Variants in PRKCA observed in about 807,000 individuals in gnomAD.
The protein encoded by PRKCA is protein kinase C alpha.
PRKCA carries 27 observed loss-of-function variants against 87.0 expected under a neutral mutation model. The observed-to-expected ratio is 0.31, with a 90% CI of 0.23 to 0.43. PRKCA has a LOEUF of 0.43. PRKCA is among the 20% of genes least tolerant of loss of function. The probability of loss-of-function intolerance (pLI) is 1.00; values close to 1 mark genes in which losing one functional copy is unlikely to be tolerated. For missense variants in PRKCA, 518 were observed against 852.3 expected (o/e 0.61, Z 4.88); for synonymous variants, 329 against 311.1 (o/e 1.06, Z -0.61).
chr17:66,394,109 A>G (rs1290571412), intron 2 of PRKCA, among the ~76,000 whole-genome samples: 1 of 152,158 alleles, frequency 6.6e-6, no homozygotes, highest in African/African-American at 2.4e-5. Flanking sequence ...AATAAGGGGC[A>G]AGAGGTTCTG....
intron 2 of PRKCA, among the ~76,000 whole-genome samples, chr17:66,466,818 G>A: frequency 6.6e-6 from 1 of 151,926 alleles, no homozygotes; most frequent in East Asian, 1.9e-4. Context: ...CCTTCACGCT[G>A]GGGTCAAAGA....
At chr17:66,461,924 AC>A (rs1914872870) in intron 2 of PRKCA, among the ~76,000 whole-genome samples, 2 of 151,882 alleles carry the variant, frequency 1.3e-5, no homozygotes, top group African/African-American at 4.8e-5. Context: ...GTTCCTAACT[AC>A]CGAGGAGGAG....
intron 3 of PRKCA, among the ~76,000 whole-genome samples, chr17:66,555,205 G>T (rs372327401): frequency 2.6e-5 from 4 of 152,186 alleles, no homozygotes; most frequent in Non-Finnish European, 4.4e-5. Flanking sequence ...TTGAAGGCAG[G>T]TATCGTATCT....
intron 2 of PRKCA, among the ~76,000 whole-genome samples, chr17:66,419,256 CA>C (rs766871742): frequency 6.6e-6 from 1 of 152,240 alleles, no homozygotes; most frequent in Admixed American, 6.5e-5. Context: ...TGAGTAGAGA[CA>C]TTTTTTAGGT....
At chr17:66,328,061 G>T (rs1906091988) in intron 2 of PRKCA, among the ~76,000 whole-genome samples, 1 of 152,190 alleles carries the variant, frequency 6.6e-6, no homozygotes, top group Non-Finnish European at 1.5e-5. Context: ...CGTCTCTCCT[G>T]AGAAGATAAC....
chr17:66,804,052 A>G lies in PRKCA; in HGVS notation c.*15A>G. 3 of 1,593,528 alleles carry G rather than the reference A, an allele frequency of 1.9e-6. No individual in the cohort carries two copies. Among genetic ancestry groups the G allele is most frequent in the Non-Finnish European group, 2.6e-6 (3 of 1,163,270 alleles). ...GTGCAGTATGAAACTCACCAGCGAG[A>G]ACAAACACCTCCCCAGCCCCCAGCC... On this transcript the variant is annotated 3_prime_UTR_variant, in exon 17 of 17. Transcript: ENST00000413366.
chr17:66,762,790 T>TTTTA (rs1974714530), intron 13 of PRKCA, among the ~76,000 whole-genome samples: 1 of 152,084 alleles, frequency 6.6e-6, no homozygotes. Flanking sequence ...AAAACACCTT[T>TTTTA]TTTATTTTAT....
intron 8 of PRKCA, among the ~76,000 whole-genome samples, chr17:66,723,861 A>G (rs1973676949): frequency 6.6e-6 from 1 of 152,168 alleles, no homozygotes; most frequent in Non-Finnish European, 1.5e-5. Flanking sequence ...AAAATGGGTA[A>G]GATTAAGATT....
intron 3 of PRKCA, among the ~76,000 whole-genome samples, chr17:66,630,520 G>A (rs1043613948): frequency 2.0e-5 from 3 of 152,198 alleles, no homozygotes; most frequent in Admixed American, 6.5e-5. Flanking sequence ...ACAGACTGTC[G>A]TTCAGTTTCA....
intron 1 of PRKCA, among the ~76,000 whole-genome samples, chr17:66,303,728 C>A (rs1013222744): frequency 6.6e-6 from 1 of 152,098 alleles, no homozygotes; most frequent in Non-Finnish European, 1.5e-5. Flanking sequence ...GTCGGCCAGG[C>A]GCGGTGGCTC....
At chr17:66,443,044 A>G (rs1419255375) in intron 2 of PRKCA, among the ~76,000 whole-genome samples, 3 of 152,182 alleles carry the variant, frequency 2.0e-5, no homozygotes, top group East Asian at 1.9e-4. Context: ...TACACACATC[A>G]TATCTCATTT....
At chr17:66,789,011 C>T (rs1443695359) in intron 16 of PRKCA, 32 bp downstream of exon 16, 6 of 1,612,992 alleles carry the variant, frequency 3.7e-6, no homozygotes, top group Non-Finnish European at 5.1e-6. Context: ...GTTTTCGGAA[C>T]CCCATGTCCC....
chr17:66,696,584 A>G (rs1263709089), intron 8 of PRKCA: 1 of 152,166 alleles, frequency 6.6e-6, no homozygotes, highest in Non-Finnish European at 1.5e-5. Flanking sequence ...TTTGGTTTTG[A>G]TTTATATTTA....
rs1976056516 is a variant in PRKCA at position 66,807,433 on chromosome 17, G to T, written c.*3396G>T. On this transcript the variant is annotated 3_prime_UTR_variant, in exon 17 of 17. Transcript: ENST00000413366. The surrounding 1 kb of genome is among the most constrained non-coding windows in gnomAD (Gnocchi z 4.3). ...CTGGGTTTGAAAGGAAGTCACTGGA[G>T]TGCTGCCAGGGGCCGCCCTCCAAGG... 1 of 152,274 alleles carries T rather than the reference G, an allele frequency of 6.6e-6. No individual in the cohort carries two copies. Among genetic ancestry groups the T allele is most frequent in the African/African-American group, 2.4e-5 (1 of 41,472 alleles). The allele number at this position is 152,274 out of a possible 1,614,324, so 9.4% of individuals were successfully genotyped here.
intron 16 of PRKCA, among the ~76,000 whole-genome samples, chr17:66,791,703 G>A (rs909117660): frequency 1.3e-5 from 2 of 152,216 alleles, no homozygotes; most frequent in African/African-American, 4.8e-5. Flanking sequence ...GTGGTGACAC[G>A]CTGGGGCAGA....
intron 3 of PRKCA, among the ~76,000 whole-genome samples, chr17:66,538,895 C>T (rs9895850): frequency 0.075 from 11,347 of 152,246 alleles, 525 homozygotes; most frequent in Admixed American, 0.12. Context: ...ACAGCATCGC[C>T]ATTTCTGCTG....
intron 2 of PRKCA, among the ~76,000 whole-genome samples, chr17:66,355,379 G>A (rs1427705950): frequency 1.3e-5 from 2 of 152,154 alleles, no homozygotes; most frequent in Non-Finnish European, 2.9e-5. Context: ...GCTTTTCAGA[G>A]TTAAGTTTTG....
chr17:66,653,547 C>T lies in PRKCA; in HGVS notation c.529+8036C>T, dbSNP rs151101739. On this transcript the variant is annotated intron_variant, in intron 5 of 16. Transcript: ENST00000413366. The stretch of plus-strand genomic sequence containing the variant: ...TCGAGGTAACAGGGATCTATGATGG[C>T]GCCACTGCATGCCAGCCTAGGTGAC... Among the ~76,000 whole-genome samples the T allele has an allele frequency of 2.2e-3, 333 of 152,250 alleles. 1 individual carries two copies. Among genetic ancestry groups the T allele is most frequent in the Non-Finnish European group, 2.8e-3 (189 of 68,020 alleles).
rs113526885 is a variant in PRKCA at position 66,418,440 on chromosome 17, CT to C, written c.206-77747del. 9.1e-3 allele frequency among the ~76,000 whole-genome samples: 1,288 copies of C among 142,052 alleles called. 12 individuals are homozygous for C. The highest frequency in any genetic ancestry group is 0.022 in the Middle Eastern group (6 of 270). 93.2% of individuals were successfully genotyped at this position (142,052 alleles called of 152,430 possible). On this transcript the variant is annotated intron_variant, in intron 2 of 16. Transcript: ENST00000413366. ...ATATCCATTTGTCATTTGTTTTAGC[CT>C]TTTTTTTTTTTTTGAGATGGAGTCT...
Sources: gnomAD v4.1 joint callset for allele counts (sites outside exome capture counted in the v4.1 genomes callset) on GRCh38, gnomAD v4.1.1 for gene constraint, Gnocchi (gnomAD v3.1) non-coding constraint, MANE v1.5 for transcripts, NCBI Gene and HGNC (gene_info 2026-07-23, HGNC 2026-07-21) for gene names.